Variants in FAAH2 observed in about 807,000 individuals in gnomAD.
The protein encoded by FAAH2 is fatty-acid amide hydrolase 2.
Under a neutral mutation model 36.9 loss-of-function variants are expected in FAAH2, and 60 were observed. The observed-to-expected ratio is 1.63, with a 90% CI of 1.32 to 2.02. FAAH2 has a LOEUF of 2.02. Among genes scored for constraint, FAAH2 ranks in the 30% most tolerant of loss-of-function variants. The pLI, the probability that FAAH2 is intolerant of heterozygous loss-of-function variation, is 0.00. For synonymous variants in FAAH2, 214 were observed against 143.8 expected (o/e 1.49, Z -3.49); for missense variants, 689 against 397.5 (o/e 1.73, Z -6.23).
the FAAH2 span, among the ~76,000 whole-genome samples, chrX:57,207,920 TG>T: frequency 3.5e-5 from 4 of 112,793 alleles, no homozygotes; most frequent in Non-Finnish European, 5.6e-5. Context: ...GAGCCGGAAA[TG>T]CCCCTGTTTG....
intron 10 of FAAH2, among the ~76,000 whole-genome samples, chrX:57,465,603 A>G (rs1379404220): frequency 9.0e-6 from 1 of 111,323 alleles, no homozygotes; most frequent in Admixed American, 9.6e-5. Context: ...AAATGTTAAG[A>G]CAAAATAAAA....
intron 7 of FAAH2, among the ~76,000 whole-genome samples, chrX:57,401,526 T>C (rs1406998507): frequency 9.0e-6 from 1 of 111,540 alleles, no homozygotes; most frequent in African/African-American, 3.3e-5. Flanking sequence ...AATCCTGAGA[T>C]CTTGCACTAA....
rs1556021548 is a variant in FAAH2 at position 57,448,705 on chromosome X, C to A, written c.1410C>A (p.Asn470Lys). 8.3e-7 allele frequency: 1 copy of A among 1,206,837 alleles called. No homozygotes were observed. Among genetic ancestry groups the A allele is most frequent in the South Asian group, 1.8e-5 (1 of 56,465 alleles). The change falls in exon 10 of 11, where the codon AAC becomes AAA. Residue 470 changes from asparagine (N) to lysine (K), a missense_variant. Coordinates refer to ENST00000374900, the MANE Select transcript of FAAH2 (RefSeq NM_174912.4). ...KHHVPLTRPF[N>K]FAYTGVFSAL... ...ATGTCCCTCTAACACGGCCTTTCAA[C>A]TTTGCTTACACAGGTACCTAATTGT...
At chrX:57,458,522 C>T (rs1387802537) in intron 10 of FAAH2, among the ~76,000 whole-genome samples, 1 of 111,083 alleles carries the variant, frequency 9.0e-6, no homozygotes, top group African/African-American at 3.3e-5. Context: ...TAGAAGAAAA[C>T]CTAGGAAGAT....
chrX:57,303,054 G>A (rs953075200), intron 2 of FAAH2, among the ~76,000 whole-genome samples: 2 of 110,846 alleles, frequency 1.8e-5, no homozygotes, highest in African/African-American at 6.6e-5. Context: ...TGAAGTTTGG[G>A]CAATGCTAAT....
At chrX:57,461,356 C>A (rs1210852572) in intron 10 of FAAH2, among the ~76,000 whole-genome samples, 2 of 111,390 alleles carry the variant, frequency 1.8e-5, no homozygotes, top group African/African-American at 6.5e-5. Context: ...ATACATTCTT[C>A]CTAACACCAC....
intron 10 of FAAH2, among the ~76,000 whole-genome samples, chrX:57,470,114 A>G (rs1295283946): frequency 8.9e-6 from 1 of 111,732 alleles, no homozygotes; most frequent in African/African-American, 3.3e-5. Flanking sequence ...GTAGAGGGAA[A>G]TTTATAGCAC....
chrX:57,182,856 G>A, the FAAH2 span, among the ~76,000 whole-genome samples: 3 of 111,598 alleles, frequency 2.7e-5, no homozygotes, highest in African/African-American at 9.8e-5. Flanking sequence ...GAATATTATG[G>A]AGCCTTAAAG....
intron 5 of FAAH2, among the ~76,000 whole-genome samples, chrX:57,366,186 G>A (rs1429843585): frequency 9.0e-6 from 1 of 111,282 alleles, no homozygotes; most frequent in Non-Finnish European, 1.9e-5. Flanking sequence ...TGTTCCTTTA[G>A]TTTTTGGAGT....
At chrX:57,208,320 T>C in the FAAH2 span, among the ~76,000 whole-genome samples, 2 of 112,521 alleles carry the variant, frequency 1.8e-5, no homozygotes, top group African/African-American at 6.4e-5. Context: ...TACTTCATTA[T>C]ACTTTCCTTC....
the FAAH2 span, among the ~76,000 whole-genome samples, chrX:57,253,805 G>C: frequency 9.0e-5 from 10 of 111,531 alleles, no homozygotes; most frequent in South Asian, 1.9e-3. Context: ...ACCCATACCA[G>C]CCACTGTAAA....
chrX:57,407,068 G>A (rs758148208), intron 7 of FAAH2, among the ~76,000 whole-genome samples: 3 of 112,147 alleles, frequency 2.7e-5, no homozygotes, highest in African/African-American at 9.7e-5. Context: ...CCCAAGTGGT[G>A]CTTTGGAGGG....
chrX:57,403,929 G>A (rs1341005631), intron 7 of FAAH2, among the ~76,000 whole-genome samples: 1 of 112,811 alleles, frequency 8.9e-6, no homozygotes, highest in Non-Finnish European at 1.9e-5. Context: ...CATACTTTAA[G>A]ATTTTTAAGT....
chrX:57,310,881 T>C (rs2052673247), intron 3 of FAAH2, 152 bp downstream of exon 3: 2 of 600,971 alleles, frequency 3.3e-6, no homozygotes, highest in African/African-American at 2.3e-5. Flanking sequence ...GCAAGTTCCA[T>C]TGGGAAAATA....
chrX:57,322,573 G>T lies in FAAH2; in HGVS notation c.413-9025G>T, dbSNP rs1233185418. The stretch of plus-strand genomic sequence containing the variant: ...GTCTAGTTTGGAGAACTTTCTCATT[G>T]GTGATATCCTGAAATATATTTTCTA... On this transcript the variant is annotated intron_variant, in intron 3 of 10. Transcript: ENST00000374900. Among the ~76,000 whole-genome samples the T allele has an allele frequency of 6.3e-5, 7 of 111,025 alleles. No homozygotes were observed. In the Admixed American group the frequency reaches 6.8e-4, roughly 11 times the overall value.
At chrX:57,231,230 T>C in the FAAH2 span, among the ~76,000 whole-genome samples, 2 of 111,098 alleles carry the variant, frequency 1.8e-5, no homozygotes, top group Non-Finnish European at 1.9e-5. Flanking sequence ...TTCATGATTT[T>C]CTGGCCATTA....
At chrX:57,382,224 G>C (rs932534418) in intron 7 of FAAH2, among the ~76,000 whole-genome samples, 8 of 111,343 alleles carry the variant, frequency 7.2e-5, no homozygotes, top group African/African-American at 2.6e-4. Context: ...GAGAAAGCAG[G>C]AATGATCTAA....
intron 7 of FAAH2, among the ~76,000 whole-genome samples, chrX:57,429,311 C>T (rs1242961640): frequency 1.9e-5 from 2 of 103,764 alleles, no homozygotes; most frequent in African/African-American, 7.0e-5. Context: ...TACACTCCAG[C>T]CTGGGCCATA....
the FAAH2 span, among the ~76,000 whole-genome samples, chrX:57,184,714 CA>C: frequency 2.7e-5 from 3 of 112,064 alleles, no homozygotes; most frequent in African/African-American, 9.7e-5. Context: ...GTAAAACTTT[CA>C]AAAGGGAAAT....
Sources: allele counts gnomAD v4.1 joint callset (sites outside exome capture counted in the v4.1 genomes callset), GRCh38; gene constraint gnomAD v4.1.1; transcripts MANE v1.5; gene names NCBI Gene and HGNC (gene_info 2026-07-23, HGNC 2026-07-21).